Variants in TLN1 observed in about 807,000 individuals in gnomAD.
TLN1 encodes talin 1, also known as talin-1.
TLN1 carries 56 observed loss-of-function variants against 292.3 expected under a neutral mutation model. That is an observed-to-expected ratio of 0.19 (90% confidence interval 0.15 to 0.24). TLN1 has a LOEUF of 0.24. TLN1 is among the 10% of genes least tolerant of loss of function. The pLI is 1.00. For synonymous variants in TLN1, 1,119 were observed against 1,253.7 expected (o/e 0.89, Z 2.27); for missense variants, 2,433 against 3,248.2 (o/e 0.75, Z 6.10).
chr9:35,731,674 T>C (rs1826082420), intron 1 of TLN1, among the ~76,000 whole-genome samples: 1 of 152,158 alleles, frequency 6.6e-6, no homozygotes, highest in Non-Finnish European at 1.5e-5. Flanking sequence ...AAAACGGACC[T>C]GACTCACACT....
At position 35,698,635 on chromosome 9, in the gene TLN1, G is replaced by A. The variant is rs1825409784; in HGVS notation, c.7170C>T (p.Ser2390=). 1 of 1,614,138 alleles carries A rather than the reference G, an allele frequency of 6.2e-7. No individual in the cohort carries two copies. ...PANALDDGQW[S]QGLISAARMV... is the part of the protein sequence containing the mutation. Reference sequence around the variant, plus strand: ...CACTTACAGCAGAAATGAGGCCCTGGGACCACTGCCCATCGTCCAGTGCAT... The same window carrying A: ...CACTTACAGCAGAAATGAGGCCCTGAGACCACTGCCCATCGTCCAGTGCAT... The change falls in exon 54 of 57, where the codon TCC becomes TCT. Residue 2390 remains serine, a synonymous_variant. Transcript: ENST00000314888. This position sits in a 1 kb window ranked among gnomAD's most constrained non-coding sequence, Gnocchi z 5.3.
At position 35,714,114 on chromosome 9, in the gene TLN1, G is replaced by T. The variant is rs1201706678; in HGVS notation, c.3121-33C>A. ...AAGAAAGGGGTTTTGGGTGTAGAAG[G>T]TCCTGCTGTGTCTCACCAATGCCTC... On this transcript the variant is annotated intron_variant, in intron 24 of 56. Coordinates refer to ENST00000314888, the MANE Select transcript of TLN1 (RefSeq NM_006289.4). The surrounding 1 kb of genome is among the most constrained non-coding windows in gnomAD (Gnocchi z 4.6). The T allele has an allele frequency of 1.2e-6, 2 of 1,610,928 alleles. No homozygotes were observed. The highest frequency in any genetic ancestry group is 1.7e-6 in the Non-Finnish European group (2 of 1,177,428).
At chr9:35,709,792 C>G (rs1280189860) in intron 33 of TLN1, among the ~76,000 whole-genome samples, 2 of 137,032 alleles carry the variant, frequency 1.5e-5, no homozygotes, top group Middle Eastern at 4.3e-3. Context: ...GAGGCTGAGG[C>G]AGGAGAATGG....
Position 35,719,479 on chromosome 9 carries a change from C to T in TLN1, c.1687+40G>A. The T allele has an allele frequency of 5.7e-6, 9 of 1,568,432 alleles. No homozygotes were observed. The highest frequency in any genetic ancestry group is 7.9e-6 in the Non-Finnish European group (9 of 1,139,250). Reference sequence around the variant, plus strand: ...GCATGCCTGTGCACACTTGCACCCCCTCTCCCCATCACACACCCGGAAGCT... The same window carrying T: ...GCATGCCTGTGCACACTTGCACCCCTTCTCCCCATCACACACCCGGAAGCT... On this transcript the variant is annotated intron_variant, in intron 15 of 56. Coordinates refer to ENST00000314888, the MANE Select transcript of TLN1 (RefSeq NM_006289.4). This position sits in a 1 kb window ranked among gnomAD's most constrained non-coding sequence, Gnocchi z 4.6.
Position 35,714,269 on chromosome 9 carries a change from C to T in TLN1, c.3090G>A (p.Ala1030=), listed in dbSNP as rs760672738. 34 of 1,613,042 alleles carry T rather than the reference C, an allele frequency of 2.1e-5. No individual in the cohort carries two copies. The highest frequency in any genetic ancestry group is 1.6e-4 in the Middle Eastern group (1 of 6,084). Residue 1030 remains alanine, a synonymous_variant, in exon 24 of 57, where the codon GCG becomes GCA. Coordinates refer to ENST00000314888, the MANE Select transcript of TLN1 (RefSeq NM_006289.4). This position sits in a 1 kb window ranked among gnomAD's most constrained non-coding sequence, Gnocchi z 4.6. ...LSQCAKNLGT[A]LAELRTAAQK... ...GGGCAGCCGTCCGGAGTTCAGCCAG[C>T]GCGGTGCCCAGGTTCTTGGCACACT...
At chr9:35,729,597 T>C (rs547850003) in intron 1 of TLN1, among the ~76,000 whole-genome samples, 23 of 152,220 alleles carry the variant, frequency 1.5e-4, no homozygotes, top group Non-Finnish European at 2.8e-4. Context: ...AGAAGGACAC[T>C]GTATTAGTAC....
rs894376197 is a variant in TLN1, at chr9:35,719,661, C to T, written c.1579-34G>A. 3.7e-6 allele frequency: 6 copies of T among 1,612,762 alleles called. No homozygotes were observed. Among genetic ancestry groups the T allele is most frequent in the Admixed American group, 1.7e-5 (1 of 60,028 alleles). ...GAGAGGAAAAGCCTTCAGGATCTGCCCTGGTTTGGTTCACCTCATCCCTAT... is the reference window on the plus strand; with the variant it reads ...GAGAGGAAAAGCCTTCAGGATCTGCTCTGGTTTGGTTCACCTCATCCCTAT... On this transcript the variant is annotated intron_variant, in intron 14 of 56. Transcript: ENST00000314888. The surrounding 1 kb of genome is among the most constrained non-coding windows in gnomAD (Gnocchi z 4.6).
rs1295541234 is a variant in TLN1, at chr9:35,706,240, G to C, written c.5317C>G (p.Leu1773Val). 4 of 1,612,410 alleles carry C rather than the reference G, an allele frequency of 2.5e-6. No individual in the cohort carries two copies. The South Asian group carries it at 4.4e-5, about 18-fold the overall frequency. ...TCCTTGGCAGTGTATAGCAACTGCAGGGCAGACTCTGCCAATGTTTTAGTC... is the reference window on the plus strand; with the variant it reads ...TCCTTGGCAGTGTATAGCAACTGCACGGCAGACTCTGCCAATGTTTTAGTC... The part of the protein sequence containing the change: ...DQTKTLAESA[L>V]QLLYTAKEAG... Residue 1773 changes from leucine to valine, a missense_variant, in exon 40 of 57, where the codon CTG becomes GTG. Physicochemically the swap from Leu to Val is conservative, Grantham distance 32 (BLOSUM62 1). Coordinates refer to ENST00000314888, the MANE Select transcript of TLN1 (RefSeq NM_006289.4). The surrounding 1 kb of genome is among the most constrained non-coding windows in gnomAD (Gnocchi z 4.2).
chr9:35,729,206 G>A (rs1587992971), intron 1 of TLN1, among the ~76,000 whole-genome samples: 1 of 152,226 alleles, frequency 6.6e-6, no homozygotes, highest in Non-Finnish European at 1.5e-5. Flanking sequence ...ATAATAAGTT[G>A]TGAAGCCAGG....
At chr9:35,701,607 C>T (rs1825468077) in intron 48 of TLN1, among the ~76,000 whole-genome samples, 1 of 152,162 alleles carries the variant, frequency 6.6e-6, no homozygotes, top group Admixed American at 6.5e-5. Context: ...ATTTTAGCTA[C>T]TGTGTACAAA....
In TLN1 at chr9:35,717,160, G is replaced by A. The variant is rs759339086; in HGVS notation, c.2444C>T (p.Ser815Phe). ...ILTVTENIFS[S>F]MGDAGEMVRQ... ...GCGTGTCTTACCAGCATCACCCATG[G>A]AGCTAAAGATGTTCTCAGTGACGGT... Residue 815 changes from serine (S) to phenylalanine (F), a missense_variant, in exon 19 of 57, where the codon TCC (serine) becomes TTC (phenylalanine). Ser to Phe is a radical substitution (Grantham distance 155, BLOSUM62 -2). This residue lies in a region of TLN1 where 617 missense variants were observed against 770.6 expected (regional missense o/e 0.80). Transcript: ENST00000314888. The surrounding 1 kb of genome is among the most constrained non-coding windows in gnomAD (Gnocchi z 4.7). 2 of 1,602,870 alleles carry A rather than the reference G, an allele frequency of 1.2e-6. No homozygotes were observed. The highest frequency in any genetic ancestry group is 2.2e-5 in the South Asian group (2 of 90,838).
rs766354293 is a variant in TLN1, at chr9:35,697,783, A to G, written c.*8T>C. On this transcript the variant is annotated 3_prime_UTR_variant, in exon 57 of 57. Coordinates refer to ENST00000314888, the MANE Select transcript of TLN1 (RefSeq NM_006289.4). The stretch of plus-strand genomic sequence containing the variant: ...GGGCCGGGTCTGCATTAAATAGAAG[A>G]GGCTTCTTTAGTGCTCATCTCGAAG... 1.2e-6 allele frequency: 2 copies of G among 1,613,692 alleles called. No homozygotes were observed. Among genetic ancestry groups the G allele is most frequent in the Non-Finnish European group, 1.7e-6 (2 of 1,179,968 alleles).
chr9:35,717,422 T>C lies in TLN1; in HGVS notation c.2182A>G (p.Ser728Gly). ...AGTTGCTCTTGGCAGACAGGTGAGC[T>C]GATTGTAGGTGCCACCACCTGTAGG... Reference protein sequence around the residue: ...ACTKVVAPTISSPVCQEQLVE... With the variant: ...ACTKVVAPTIGSPVCQEQLVE... The change falls in exon 19 of 57, where the codon AGC (serine) becomes GGC (glycine). Residue 728 changes from serine to glycine, a missense_variant. Physicochemically the swap from Ser to Gly is moderately conservative, Grantham distance 56. This residue lies in a region of TLN1 where 617 missense variants were observed against 770.6 expected (regional missense o/e 0.80). Coordinates refer to ENST00000314888, the MANE Select transcript of TLN1 (RefSeq NM_006289.4). The surrounding 1 kb of genome is among the most constrained non-coding windows in gnomAD (Gnocchi z 4.7). The C allele has an allele frequency of 6.2e-7, 1 of 1,613,070 alleles. No homozygotes were observed. Among genetic ancestry groups the C allele is most frequent in the Non-Finnish European group, 8.5e-7 (1 of 1,179,162 alleles).
rs1204400773 is a variant in TLN1, at chr9:35,704,367, G to A, written c.6012C>T (p.Leu2004=). ...TTIMFATAGT[L]NREGTETFAD... ...CGAAAGTTTCAGTACCCTCACGATTGAGCGTGCCAGCAGTGGCGAACATGA... is the reference window on the plus strand; with the variant it reads ...CGAAAGTTTCAGTACCCTCACGATTAAGCGTGCCAGCAGTGGCGAACATGA... Residue 2004 remains leucine (L), a synonymous_variant, in exon 45 of 57, where the codon CTC becomes CTT. Coordinates refer to ENST00000314888, the MANE Select transcript of TLN1 (RefSeq NM_006289.4). This position sits in a 1 kb window ranked among gnomAD's most constrained non-coding sequence, Gnocchi z 6.9. 1.2e-6 allele frequency: 2 copies of A among 1,614,144 alleles called. No individual in the cohort carries two copies. The highest frequency in any genetic ancestry group is 1.7e-6 in the Non-Finnish European group (2 of 1,180,012).
Position 35,724,917 on chromosome 9 carries a change from G to A in TLN1, c.271C>T (p.Arg91Cys), listed in dbSNP as rs758902731. 2 of 1,614,134 alleles carry A rather than the reference G, an allele frequency of 1.2e-6. No homozygotes were observed. Among genetic ancestry groups the A allele is most frequent in the East Asian group, 2.2e-5 (1 of 44,876 alleles). ...GTCTTCACAGTTCCATCCAGCATAC[G>A]GATCTTCAGGGGTCTCTGTTTCTTC... is the stretch of plus-strand genomic sequence containing the variant. The part of the protein sequence containing the change: ...YRKKQRPLKI[R>C]MLDGTVKTIM... The change falls in exon 4 of 57, where the codon CGT becomes TGT. Residue 91 changes from arginine (R) to cysteine (C), a missense_variant. This residue lies in a region of TLN1 where 155 missense variants were observed against 287.9 expected (regional missense o/e 0.54). Coordinates refer to ENST00000314888, the MANE Select transcript of TLN1 (RefSeq NM_006289.4). The surrounding 1 kb of genome is among the most constrained non-coding windows in gnomAD (Gnocchi z 4.7).
chr9:35,725,607 G>T lies in TLN1; in HGVS notation c.88C>A (p.Arg30Ser). The T allele has an allele frequency of 6.2e-7, 1 of 1,613,806 alleles. No homozygotes were observed. Among genetic ancestry groups the T allele is most frequent in the South Asian group, 1.1e-5 (1 of 91,066 alleles). ...TCTGGGATCCGCTCACGAATGATGC[G>T]GCAGGCGTCGTACACCATGGTAGAC... Reference protein sequence around the residue: ...EPSTMVYDACRIIRERIPEAP... With the variant: ...EPSTMVYDACSIIRERIPEAP... Residue 30 changes from arginine to serine, a missense_variant, in exon 2 of 57, where the codon CGC (arginine) becomes AGC (serine). Physicochemically the swap from Arg to Ser is moderately radical, Grantham distance 110. Coordinates refer to ENST00000314888, the MANE Select transcript of TLN1 (RefSeq NM_006289.4).
chr9:35,721,989 A>T (rs1204609126), intron 9 of TLN1, 130 bp downstream of exon 9: 2 of 1,150,974 alleles, frequency 1.7e-6, no homozygotes, highest in Non-Finnish European at 2.6e-6. Context: ...ATGAGGTCAG[A>T]GCAAGGAAGA....
chr9:35,704,728 G>A lies in TLN1; in HGVS notation c.5821C>T (p.Pro1941Ser), dbSNP rs751555908. 1.9e-6 allele frequency: 3 copies of A among 1,614,146 alleles called. No homozygotes were observed. The highest frequency in any genetic ancestry group is 2.5e-6 in the Non-Finnish European group (3 of 1,180,024). Residue 1941 changes from proline to serine, a missense_variant, in exon 44 of 57, where the codon CCC becomes TCC. Physicochemically the swap from Pro to Ser is moderately conservative, Grantham distance 74. Around this residue, in one of 7 missense-constraint regions of TLN1, gnomAD observed 1,384 missense variants for 1,699.6 expected, o/e 0.81. Coordinates refer to ENST00000314888, the MANE Select transcript of TLN1 (RefSeq NM_006289.4). The surrounding 1 kb of genome is among the most constrained non-coding windows in gnomAD (Gnocchi z 6.9). ...TCCTTCTTGGTGTAGGCATCACTGGGGCTGCACTGCAGGGCGCCTGCCTTG... is the reference window on the plus strand; with the variant it reads ...TCCTTCTTGGTGTAGGCATCACTGGAGCTGCACTGCAGGGCGCCTGCCTTG... ...VTKAGALQCS[P>S]SDAYTKKELI...
chr9:35,700,516 T>A, intron 48 of TLN1, 140 bp from the exon 49 acceptor site: 2 of 900,578 alleles, frequency 2.2e-6, no homozygotes, highest in Non-Finnish European at 3.2e-6. Flanking sequence ...TGTTTCTGAC[T>A]GAAGCAACTG....
Sources: allele counts gnomAD v4.1 joint callset (sites outside exome capture counted in the v4.1 genomes callset), GRCh38; gene constraint gnomAD v4.1.1; regional missense constraint gnomAD v4.1.1; non-coding constraint Gnocchi (gnomAD v3.1); transcripts MANE v1.5; gene names NCBI Gene and HGNC (gene_info 2026-07-23, HGNC 2026-07-21).